The following ACER3 variants were observed in gnomAD, a reference collection of about 807,000 sequenced individuals.
ACER3 encodes the protein alkCDase 3.
ACER3 carries 16 observed loss-of-function variants against 48.9 expected under a neutral mutation model. The ratio of observed to expected loss-of-function variants is 0.33; its 90% CI spans 0.22 to 0.50. The LOEUF is 0.50. Among genes scored for constraint, ACER3 ranks in the 20% least tolerant of loss-of-function variants. The probability of loss-of-function intolerance (pLI) is 0.98; values close to 1 mark genes in which losing one functional copy is unlikely to be tolerated. For synonymous variants in ACER3, 109 were observed against 107.8 expected, an observed-to-expected ratio of 1.01 and a Z score of -0.07; for missense variants, 227 against 326.0, an observed-to-expected ratio of 0.70 and a Z score of 2.34.
Position 76,874,079 on chromosome 11 carries a change from A to AG in ACER3, c.103+13003dup, listed in dbSNP as rs1375028392. Among the ~76,000 whole-genome samples the AG allele has an allele frequency of 1.1e-4, 16 of 152,328 alleles. No homozygotes were observed. The East Asian group carries it at 1.9e-3, about 18-fold the overall frequency. ...GACCCAGCAAAATGATAGATCCAAA[A>AG]GGGACAGTAAAAGCATTTTATGGTT... On this transcript the variant is annotated intron_variant, in intron 1 of 10. Transcript: ENST00000532485.
At position 77,021,337 on chromosome 11, in the gene ACER3, T is replaced by A. The variant is rs1270516758; in HGVS notation, c.*1010T>A. The A allele has an allele frequency of 2.0e-5, 3 of 152,220 alleles. No individual in the cohort carries two copies. Among genetic ancestry groups the A allele is most frequent in the African/African-American group, 7.2e-5 (3 of 41,458 alleles). The allele number at this position is 152,220 out of a possible 1,614,324, so 9.4% of individuals were successfully genotyped here. A position where few individuals can be genotyped will look rare whatever the true frequency, so the allele number is the denominator to read the frequency against. ...TATTTACATAAAGCATATTAAAATA[T>A]CTGCTCCTTAATTTTCTGAAGGAAA... On this transcript the variant is annotated 3_prime_UTR_variant, in exon 11 of 11. Coordinates refer to ENST00000532485, the MANE Select transcript of ACER3 (RefSeq NM_018367.7).
chr11:76,905,812 T>C (rs1368897270), intron 1 of ACER3, among the ~76,000 whole-genome samples: 1 of 152,230 alleles, frequency 6.6e-6, no homozygotes, highest in African/African-American at 2.4e-5. Flanking sequence ...AAAAGCTATT[T>C]GCAAAATGAT....
At chr11:76,973,030 T>C (rs1341824459) in intron 3 of ACER3, among the ~76,000 whole-genome samples, 1 of 152,210 alleles carries the variant, frequency 6.6e-6, no homozygotes, top group Non-Finnish European at 1.5e-5. Flanking sequence ...TTTGTCAAGA[T>C]AGTAACGCCA....
chr11:76,943,547 A>T (rs937542249), intron 2 of ACER3, among the ~76,000 whole-genome samples: 16 of 152,126 alleles, frequency 1.1e-4, no homozygotes, highest in East Asian at 5.8e-4. Flanking sequence ...TGATTTTTTT[A>T]AAAATTTTAA....
chr11:76,990,087 T>A (rs949082990), intron 5 of ACER3, among the ~76,000 whole-genome samples: 2 of 152,232 alleles, frequency 1.3e-5, no homozygotes, highest in African/African-American at 2.4e-5. Flanking sequence ...ATTATCCAGA[T>A]GAGGAAGGAT....
chr11:77,024,073 C>CAAAAA lies in ACER3; in HGVS notation c.*3770_*3774dup, dbSNP rs56406202. ...TGGGCAACAGAGCGAGACTCTGTCT[C>CAAAAA]AAAAAAAAAAAAAAAAAAAAAAAAA... On this transcript the variant is annotated 3_prime_UTR_variant, in exon 11 of 11. Transcript: ENST00000532485. 4.0e-4 allele frequency: 6 copies of CAAAAA among 15,102 alleles called. No individual in the cohort carries two copies. The highest frequency in any genetic ancestry group is 1.1e-3 in the African/African-American group (5 of 4,352). The allele number at this position is 15,102 out of a possible 1,614,324, so 0.9% of individuals were successfully genotyped here. A position where few individuals can be genotyped will look rare whatever the true frequency, so the allele number is the denominator to read the frequency against.
chr11:76,920,158 C>A (rs1343446675), intron 1 of ACER3, among the ~76,000 whole-genome samples: 1 of 152,202 alleles, frequency 6.6e-6, no homozygotes. Context: ...GCTTCTGGCT[C>A]CTACAGTGCT....
At chr11:76,929,252 GCTCT>G (rs907535444) in intron 2 of ACER3, among the ~76,000 whole-genome samples, 2 of 151,974 alleles carry the variant, frequency 1.3e-5, no homozygotes, top group African/African-American at 2.4e-5. Flanking sequence ...TTATGATTTG[GCTCT>G]CTGTTTGTCT....
At chr11:76,885,766 G>T (rs10899301) in intron 1 of ACER3, among the ~76,000 whole-genome samples, 5 of 151,828 alleles carry the variant, frequency 3.3e-5, no homozygotes, top group Non-Finnish European at 7.4e-5. Flanking sequence ...GAGGTAGTTG[G>T]GACTATGGGC....
intron 3 of ACER3, among the ~76,000 whole-genome samples, chr11:76,963,858 A>G (rs534034183): frequency 6.6e-6 from 1 of 151,594 alleles, no homozygotes; most frequent in East Asian, 1.9e-4. Flanking sequence ...CCAAATAGGA[A>G]CAGCTCCAGT....
In ACER3 at chr11:77,025,419, T is replaced by TATATATATA. The variant is rs1565236065; in HGVS notation, c.*5092_*5093insATATATATA. The TATATATATA allele has an allele frequency of 6.8e-6, 1 of 147,866 alleles. No homozygotes were observed. Among genetic ancestry groups the TATATATATA allele is most frequent in the African/African-American group, 2.5e-5 (1 of 39,844 alleles). The allele number at this position is 147,866 out of a possible 1,614,324, so 9.2% of individuals were successfully genotyped here. A position where few individuals can be genotyped will look rare whatever the true frequency, so the allele number is the denominator to read the frequency against. Reference sequence around the variant, plus strand: ...ATATATATATATATATATTTATTTATTTTTTTGAGACAGAGTCTCTCTCTG... The same window carrying TATATATATA: ...ATATATATATATATATATTTATTTATATATATATATTTTTTGAGACAGAGTCTCTCTCTG... On this transcript the variant is annotated 3_prime_UTR_variant, in exon 11 of 11. Coordinates refer to ENST00000532485, the MANE Select transcript of ACER3 (RefSeq NM_018367.7).
At chr11:76,964,595 G>A (rs1948087348) in intron 3 of ACER3, among the ~76,000 whole-genome samples, 1 of 151,150 alleles carries the variant, frequency 6.6e-6, no homozygotes, top group Admixed American at 6.6e-5. Flanking sequence ...CACACGGCTG[G>A]GTACTCTTCT....
chr11:77,001,598 T>C (rs782144325), intron 7 of ACER3, among the ~76,000 whole-genome samples: 44 of 152,174 alleles, frequency 2.9e-4, no homozygotes, highest in Non-Finnish European at 5.6e-4. Context: ...AGAAATAGTG[T>C]ATATCCTCGT....
intron 1 of ACER3, among the ~76,000 whole-genome samples, chr11:76,882,956 C>T (rs1051345912): frequency 6.6e-6 from 1 of 152,110 alleles, no homozygotes; most frequent in Admixed American, 6.5e-5. Flanking sequence ...TTTTCCCTTT[C>T]GAGATTCCTC....
chr11:76,965,127 A>T (rs1948104157), intron 3 of ACER3, among the ~76,000 whole-genome samples: 1 of 151,406 alleles, frequency 6.6e-6, no homozygotes, highest in Non-Finnish European at 1.5e-5. Context: ...GACCTGATGG[A>T]GCTGAAAACC....
chr11:76,974,396 A>G (rs1037064390), intron 3 of ACER3, among the ~76,000 whole-genome samples: 6 of 152,200 alleles, frequency 3.9e-5, no homozygotes, highest in Admixed American at 3.9e-4. Context: ...CAGTCTTAGT[A>G]CTAAGGTAAG....
intron 1 of ACER3, among the ~76,000 whole-genome samples, chr11:76,888,119 C>G (rs1486599012): frequency 6.6e-6 from 1 of 152,072 alleles, no homozygotes; most frequent in African/African-American, 2.4e-5. Context: ...TATTATTGCC[C>G]TCTGTTAGGA....
At position 76,867,468 on chromosome 11, in the gene ACER3, C is replaced by CAAAAAAAAAAAA. The variant is rs1156610809; in HGVS notation, c.103+6407_103+6418dup. On this transcript the variant is annotated intron_variant, in intron 1 of 10. Transcript: ENST00000532485. ...TTGGTGACAGAGTGAGACTCTGTCT[C>CAAAAAAAAAAAA]AAAAAAAAAAAAAAAAAAAAAAAAA... is the stretch of plus-strand genomic sequence containing the variant. 1.8e-3 allele frequency among the ~76,000 whole-genome samples: 35 copies of CAAAAAAAAAAAA among 19,648 alleles called. 2 individuals carry two copies. Among genetic ancestry groups the CAAAAAAAAAAAA allele is most frequent in the African/African-American group, 5.1e-3 (31 of 6,070 alleles). 12.9% of individuals were successfully genotyped at this position (19,648 alleles called of 152,430 possible). A position where few individuals can be genotyped will look rare whatever the true frequency, so the allele number is the denominator to read the frequency against.
intron 2 of ACER3, among the ~76,000 whole-genome samples, chr11:76,932,870 T>C (rs919046692): frequency 2.0e-5 from 3 of 152,024 alleles, no homozygotes; most frequent in Non-Finnish European, 2.9e-5. Flanking sequence ...CTGACAAAAG[T>C]AGCAATAGAA....
Sources: gnomAD v4.1 joint callset for allele counts (sites outside exome capture counted in the v4.1 genomes callset) on GRCh38, gnomAD v4.1.1 for gene constraint, MANE v1.5 for transcripts, NCBI Gene and HGNC (gene_info 2026-07-23, HGNC 2026-07-21) for gene names.